UBN2: variants seen among roughly 807,000 people sequenced by gnomAD.
UBN2 encodes ubinuclein-2.
A neutral mutation model predicts 120.2 loss-of-function variants in UBN2; 35 were observed. The ratio of observed to expected loss-of-function variants is 0.29; its 90% CI spans 0.22 to 0.39. The LOEUF (loss-of-function observed/expected upper bound fraction) is 0.39, where lower values mean the gene tolerates loss of function less well. Ranked by LOEUF, UBN2 falls within the 10% of genes least tolerant of loss-of-function variation. The probability of loss-of-function intolerance (pLI) is 1.00; values close to 1 mark genes in which losing one functional copy is unlikely to be tolerated. For synonymous variants in UBN2, 661 were observed against 648.7 expected (o/e 1.02, Z -0.29); for missense variants, 1,693 against 1,663.2 (o/e 1.02, Z -0.31).
chr7:139,236,991 TCAC>T lies in UBN2; in HGVS notation c.469-12_469-10del, dbSNP rs1282879489. ...TGGATACTTCTCTTTCTTTTCCCAT[TCAC>T]CTTGAATCAGAAGAAGCTCATTCAC... On this transcript the variant is annotated splice_polypyrimidine_tract_variant and intron_variant, in intron 1 of 17. Transcript: ENST00000473989. The T allele has an allele frequency of 2.5e-6, 4 of 1,571,684 alleles. No individual in the cohort carries two copies.
chr7:139,266,829 CTT>C (rs1466986907), intron 7 of UBN2, among the ~76,000 whole-genome samples: 1 of 151,968 alleles, frequency 6.6e-6, no homozygotes, highest in South Asian at 2.1e-4. Flanking sequence ...TTTGTACAAA[CTT>C]TTATAGTCAA....
At chr7:139,325,056 TGA>T in the UBN2 span, among the ~76,000 whole-genome samples, 1 of 152,200 alleles carries the variant, frequency 6.6e-6, no homozygotes, top group Non-Finnish European at 1.5e-5. Context: ...CTTTCTTTAC[TGA>T]GAGAAATTAG....
rs1795998981 is a variant in UBN2, at chr7:139,231,284, T to C, written c.-201T>C. Among the ~76,000 whole-genome samples the C allele has an allele frequency of 1.3e-5, 2 of 152,176 alleles. No homozygotes were observed. The highest frequency in any genetic ancestry group is 4.1e-4 in the South Asian group (2 of 4,820). On this transcript the variant is annotated 5_prime_UTR_variant, in exon 1 of 18. Transcript: ENST00000473989. ...TCCAACATGGCGGCCGCGGCGACCCTGGCGATGGCGGTGAAGCCCATCAGA... is the reference window on the plus strand; with the variant it reads ...TCCAACATGGCGGCCGCGGCGACCCCGGCGATGGCGGTGAAGCCCATCAGA...
At chr7:139,329,179 G>A in the UBN2 span, among the ~76,000 whole-genome samples, 1 of 148,656 alleles carries the variant, frequency 6.7e-6, no homozygotes, top group African/African-American at 2.6e-5. Flanking sequence ...GTTGCTGTGA[G>A]CAAAAGATTT....
At chr7:139,240,456 T>TATA (rs1323673209) in intron 2 of UBN2, among the ~76,000 whole-genome samples, 19 of 75,756 alleles carry the variant, frequency 2.5e-4, no homozygotes, top group African/African-American at 6.5e-4. Flanking sequence ...ATATATATAT[T>TATA]TTTTTTTTTA....
downstream of UBN2, among the ~76,000 whole-genome samples, chr7:139,312,916 A>C (rs1292907481): frequency 6.6e-6 from 1 of 152,030 alleles, no homozygotes; most frequent in Admixed American, 6.6e-5. Flanking sequence ...TTCTCCCATT[A>C]ATTTGTGGTA....
rs1026690363 is a variant in UBN2 at position 139,258,580 on chromosome 7, T to C, written c.756T>C (p.Thr252=). The C allele has an allele frequency of 3.1e-6, 5 of 1,606,812 alleles. No individual in the cohort carries two copies. The highest frequency in any genetic ancestry group is 4.3e-6 in the Non-Finnish European group (5 of 1,176,062). Residue 252 remains threonine, a synonymous_variant, in exon 4 of 18, where the codon ACT becomes ACC. Coordinates refer to ENST00000473989, the MANE Select transcript of UBN2 (RefSeq NM_173569.4). ...TACAGTTTCGCCAAGCTTCAGATAC[T>C]GAAGAAGATGATATTACAGACAACC... ...GTLQFRQASD[T]EEDDITDNQK...
chr7:139,274,218 C>A, intron 11 of UBN2, 144 bp downstream of exon 11: 1 of 797,092 alleles, frequency 1.3e-6, no homozygotes, highest in Non-Finnish European at 1.8e-6. Context: ...TCAGATGATC[C>A]TTGCTTTGAA....
the UBN2 span, among the ~76,000 whole-genome samples, chr7:139,322,206 T>A: frequency 6.6e-6 from 1 of 152,106 alleles, no homozygotes; most frequent in Admixed American, 6.6e-5. Flanking sequence ...ACTCCTGACC[T>A]CAGGTGATCC....
the UBN2 span, among the ~76,000 whole-genome samples, chr7:139,328,033 A>C: frequency 7.9e-4 from 121 of 152,358 alleles, 1 homozygote; most frequent in South Asian, 0.012. Flanking sequence ...TCCTTAAGTT[A>C]TATAGTTTCC....
intron 13 of UBN2, 127 bp from the exon 14 acceptor site, chr7:139,281,878 T>C (rs1329844686): frequency 5.1e-6 from 4 of 780,530 alleles, no homozygotes; most frequent in Non-Finnish European, 8.5e-6. Flanking sequence ...CTTAATGCAG[T>C]TACACTTGTA....
chr7:139,329,415 G>C, the UBN2 span, among the ~76,000 whole-genome samples: 1 of 152,000 alleles, frequency 6.6e-6, no homozygotes, highest in Admixed American at 6.6e-5. Flanking sequence ...CTGTTGCTTG[G>C]ACCCTAGCCC....
intron 7 of UBN2, among the ~76,000 whole-genome samples, chr7:139,268,809 A>G (rs1475560215): frequency 6.6e-6 from 1 of 152,160 alleles, no homozygotes; most frequent in Non-Finnish European, 1.5e-5. Flanking sequence ...AAAACCATAG[A>G]GTTTGCCCCT....
At chr7:139,233,136 C>A (rs533633952) in intron 1 of UBN2, among the ~76,000 whole-genome samples, 1 of 152,276 alleles carries the variant, frequency 6.6e-6, no homozygotes, top group East Asian at 1.9e-4. Flanking sequence ...TTGTTTACTT[C>A]ATGGCCAGCT....
the UBN2 span, among the ~76,000 whole-genome samples, chr7:139,319,318 A>G: frequency 6.6e-6 from 1 of 152,080 alleles, no homozygotes; most frequent in African/African-American, 2.4e-5. Flanking sequence ...CCTGACCTCC[A>G]GCAATCTACC....
At position 139,266,316 on chromosome 7, in the gene UBN2, C is replaced by T; in HGVS notation, c.1396-17C>T. The T allele has an allele frequency of 6.6e-7, 1 of 1,518,916 alleles. No individual in the cohort carries two copies. Among genetic ancestry groups the T allele is most frequent in the Non-Finnish European group, 9.0e-7 (1 of 1,108,516 alleles). The allele number at this position is 1,518,916 out of a possible 1,614,324, so 94.1% of individuals were successfully genotyped here. A position where few individuals can be genotyped will look rare whatever the true frequency, so the allele number is the denominator to read the frequency against. ...ATGGCCTATTTTGATTTATTATCATCTTTCTTGTTTCTTTAGGCTGCCAAA... is the reference window on the plus strand; with the variant it reads ...ATGGCCTATTTTGATTTATTATCATTTTTCTTGTTTCTTTAGGCTGCCAAA... On this transcript the variant is annotated splice_polypyrimidine_tract_variant and intron_variant, in intron 6 of 17. Coordinates refer to ENST00000473989, the MANE Select transcript of UBN2 (RefSeq NM_173569.4).
At chr7:139,310,806 A>G (rs1294778447), downstream of UBN2, among the ~76,000 whole-genome samples, 1 of 152,192 alleles carries the variant, frequency 6.6e-6, no homozygotes, top group Non-Finnish European at 1.5e-5. Flanking sequence ...TAGCATACGT[A>G]TACACTGTAT....
intron 6 of UBN2, among the ~76,000 whole-genome samples, chr7:139,265,570 G>A (rs1177505600): frequency 1.3e-5 from 2 of 152,186 alleles, no homozygotes; most frequent in Non-Finnish European, 2.9e-5. Flanking sequence ...GGCAAAAGAA[G>A]GGTGGAATCT....
downstream of UBN2, among the ~76,000 whole-genome samples, chr7:139,312,174 C>T (rs780541019): frequency 1.3e-5 from 2 of 152,232 alleles, no homozygotes; most frequent in Non-Finnish European, 2.9e-5. Flanking sequence ...CCTTAGTCCC[C>T]ACTCTGCTCT....
Sources: gnomAD v4.1 joint callset for allele counts (sites outside exome capture counted in the v4.1 genomes callset) on GRCh38, gnomAD v4.1.1 for gene constraint, MANE v1.5 for transcripts, NCBI Gene and HGNC (gene_info 2026-07-23, HGNC 2026-07-21) for gene names.